Variants in KHDC1 observed in about 807,000 individuals in gnomAD.
The protein encoded by KHDC1 is KH homology domain-containing protein 1.
Under a neutral mutation model 24.7 loss-of-function variants are expected in KHDC1, and 21 were observed. That is an observed-to-expected ratio of 0.85 (90% CI 0.60 to 1.23). The LOEUF is 1.23. Ranked by LOEUF, KHDC1 falls within the 50% of genes most tolerant of loss-of-function variation. KHDC1 has a pLI of 0.00. For synonymous variants in KHDC1, 98 were observed against 111.7 expected (o/e 0.88, Z 0.77); for missense variants, 274 against 298.5 (o/e 0.92, Z 0.61).
At chr6:73,296,837 CCT>C (rs1442524083) in intron 1 of KHDC1, among the ~76,000 whole-genome samples, 1 of 152,070 alleles carries the variant, frequency 6.6e-6, no homozygotes, top group Non-Finnish European at 1.5e-5. Flanking sequence ...TCTTTTTCAA[CCT>C]CTCTCAGTTA....
At chr6:73,258,766 A>C (rs1766926676) in intron 2 of KHDC1, among the ~76,000 whole-genome samples, 1 of 152,214 alleles carries the variant, frequency 6.6e-6, no homozygotes, top group Non-Finnish European at 1.5e-5. Flanking sequence ...CTACCTGTAA[A>C]ATGGTATTAA....
intron 2 of KHDC1, among the ~76,000 whole-genome samples, chr6:73,247,672 C>A (rs1766692506): frequency 6.6e-6 from 1 of 152,008 alleles, no homozygotes; most frequent in Non-Finnish European, 1.5e-5. Flanking sequence ...GCCTAGCCAG[C>A]ATGGTGAAAC....
At chr6:73,271,296 C>A (rs1432250133) in intron 2 of KHDC1, among the ~76,000 whole-genome samples, 1 of 151,754 alleles carries the variant, frequency 6.6e-6, no homozygotes, top group Non-Finnish European at 1.5e-5. Flanking sequence ...CAACCACCTC[C>A]GCCCTCTGGG....
chr6:73,245,752 C>T (rs78212821), intron 2 of KHDC1, among the ~76,000 whole-genome samples: 12 of 152,122 alleles, frequency 7.9e-5, no homozygotes, highest in African/African-American at 2.4e-4. Context: ...GAAATGTGTG[C>T]CAGACACACC....
At chr6:73,252,772 G>C (rs1404254519) in intron 2 of KHDC1, among the ~76,000 whole-genome samples, 16 of 151,600 alleles carry the variant, frequency 1.1e-4, no homozygotes, top group African/African-American at 3.9e-4. Flanking sequence ...AGCTGAGATC[G>C]TGCCACTGAA....
intron 1 of KHDC1, among the ~76,000 whole-genome samples, chr6:73,308,306 C>A (rs145188596): frequency 5.4e-4 from 82 of 151,974 alleles, no homozygotes; most frequent in Middle Eastern, 3.4e-3. Flanking sequence ...GATCCCCTGA[C>A]CTCATGATCC....
At chr6:73,276,965 CA>C (rs1486356428) in intron 2 of KHDC1, among the ~76,000 whole-genome samples, 1 of 152,140 alleles carries the variant, frequency 6.6e-6, no homozygotes, top group African/African-American at 2.4e-5. Context: ...TGAAGAATTA[CA>C]AAAGGTTGGT....
At chr6:73,299,292 ACAGCCCCGGGGGTGGGCACAG>A (rs938160068) in intron 1 of KHDC1, 1 of 152,284 alleles carries the variant, frequency 6.6e-6, no homozygotes, top group African/African-American at 2.4e-5. Context: ...TCTCTGGCGC[ACAGCCCCGGGGGTGGGCACAG>A]CAGCCGCCCC....
chr6:73,275,812 T>G (rs1202120132), intron 2 of KHDC1: 1 of 152,432 alleles, frequency 6.6e-6, no homozygotes, highest in Non-Finnish European at 1.5e-5. Flanking sequence ...GAGTTCAAGG[T>G]CCTGCTCCAT....
At chr6:73,282,086 C>A (rs969997113) in intron 2 of KHDC1, among the ~76,000 whole-genome samples, 14 of 150,990 alleles carry the variant, frequency 9.3e-5, no homozygotes, top group Admixed American at 8.6e-4. Flanking sequence ...GGCGTGGTGG[C>A]ATGCGCCTGT....
intron 2 of KHDC1, among the ~76,000 whole-genome samples, chr6:73,249,893 G>T (rs1766747882): frequency 6.6e-6 from 1 of 152,054 alleles, no homozygotes; most frequent in Non-Finnish European, 1.5e-5. Flanking sequence ...GGCATTACAG[G>T]CATGAGACAC....
chr6:73,298,007 A>G (rs897935017), intron 1 of KHDC1, among the ~76,000 whole-genome samples: 3 of 152,160 alleles, frequency 2.0e-5, no homozygotes, highest in Admixed American at 6.6e-5. Context: ...CCTCGCCAAC[A>G]TGGTGAAATC....
At chr6:73,249,544 G>T (rs980813786) in intron 2 of KHDC1, among the ~76,000 whole-genome samples, 1 of 152,044 alleles carries the variant, frequency 6.6e-6, no homozygotes, top group African/African-American at 2.4e-5. Flanking sequence ...AAAAGGCAAG[G>T]TTTGCAAGTG....
At chr6:73,282,487 C>T (rs1000384044) in intron 2 of KHDC1, among the ~76,000 whole-genome samples, 6 of 152,094 alleles carry the variant, frequency 3.9e-5, no homozygotes, top group Non-Finnish European at 5.9e-5. Context: ...TAGGTTAAAA[C>T]GAAGATGATA....
rs200247212 is a variant in KHDC1, at chr6:73,248,393, G to GTC, written c.207-5865_207-5864dup. On this transcript the variant is annotated intron_variant, in intron 2 of 4. Coordinates refer to ENST00000370384, the Ensembl canonical transcript of KHDC1. ...CTCTCTCTCTCTCTCTCCTCTATCTGTCTCTCTCTCCTCTCTCTTCTCTCT... is the reference window on the plus strand; with the variant it reads ...CTCTCTCTCTCTCTCTCCTCTATCTGTCTCTCTCTCTCCTCTCTCTTCTCTCT... Among the ~76,000 whole-genome samples, 1,363 of 150,278 alleles carry GTC rather than the reference G, an allele frequency of 9.1e-3. 24 individuals are homozygous for GTC. The highest frequency in any genetic ancestry group is 0.031 in the African/African-American group (1,282 of 40,822).
intron 2 of KHDC1, among the ~76,000 whole-genome samples, chr6:73,286,278 A>G (rs1042216195): frequency 1.3e-5 from 2 of 152,328 alleles, no homozygotes; most frequent in African/African-American, 4.8e-5. Flanking sequence ...AAAAGTCTCT[A>G]TATAGTTTAC....
chr6:73,241,592 A>G, exon 5 of KHDC1: 7 of 1,614,194 alleles, frequency 4.3e-6, no homozygotes, highest in Non-Finnish European at 5.9e-6. Context: ...GGGAAGGCTG[A>G]GGAACGCTAA....
In KHDC1 at chr6:73,275,448, A is replaced by G. The variant is rs1767270648; in HGVS notation, c.206+16550T>C. ...ACCCTGTGCGGGGTGACACGGCTCTATGGGAAGTGTGTCCATCCCGGAAAG... is the reference window on the plus strand; with the variant it reads ...ACCCTGTGCGGGGTGACACGGCTCTGTGGGAAGTGTGTCCATCCCGGAAAG... On this transcript the variant is annotated intron_variant, in intron 2 of 4. Transcript: ENST00000370384. The G allele has an allele frequency of 1.8e-5, 3 of 167,246 alleles. No homozygotes were observed. The South Asian group carries it at 6.2e-4, about 35-fold the overall frequency. 10.4% of individuals were successfully genotyped at this position (167,246 alleles called of 1,614,324 possible). A position where few individuals can be genotyped will look rare whatever the true frequency, so the allele number is the denominator to read the frequency against.
chr6:73,302,378 G>T (rs1767892767), intron 1 of KHDC1, among the ~76,000 whole-genome samples: 1 of 152,196 alleles, frequency 6.6e-6, no homozygotes, highest in South Asian at 2.1e-4. Flanking sequence ...TCTGAAAAAT[G>T]CACTGTTAGG....
Sources: gnomAD v4.1 joint callset for allele counts (sites outside exome capture counted in the v4.1 genomes callset) on GRCh38, gnomAD v4.1.1 for gene constraint, MANE v1.5 for transcripts, NCBI Gene and HGNC (gene_info 2026-07-23, HGNC 2026-07-21) for gene names.